MAPK10: variants seen among roughly 807,000 people sequenced by gnomAD.
The protein encoded by MAPK10 is JNK3 alpha protein kinase.
A neutral mutation model predicts 59.3 loss-of-function variants in MAPK10; 25 were observed. The observed-to-expected ratio is 0.42, with a 90% CI of 0.31 to 0.59. MAPK10 has a LOEUF of 0.59. MAPK10 is among the 20% of genes least tolerant of loss of function. The pLI is 0.15. For missense variants in MAPK10, 351 were observed against 568.9 expected, an observed-to-expected ratio of 0.62 and a Z score of 3.90; for synonymous variants, 190 against 200.5, an observed-to-expected ratio of 0.95 and a Z score of 0.44.
intron 4 of MAPK10, among the ~76,000 whole-genome samples, chr4:86,139,687 T>A (rs2063157642): frequency 6.6e-6 from 1 of 151,962 alleles, no homozygotes; most frequent in Admixed American, 6.5e-5. Context: ...ACAAATGGGA[T>A]CTAATTAAAC....
chr4:86,053,362 T>C (rs17011339), intron 11 of MAPK10, among the ~76,000 whole-genome samples: 1,780 of 152,262 alleles, frequency 0.012, 30 homozygotes, highest in African/African-American at 0.04. Flanking sequence ...TAAGAGGAGA[T>C]TCTTTGATGA....
chr4:86,115,906 G>A (rs1171678252), intron 4 of MAPK10, among the ~76,000 whole-genome samples: 1 of 152,196 alleles, frequency 6.6e-6, no homozygotes, highest in Non-Finnish European at 1.5e-5. Flanking sequence ...GTGCTTCTGT[G>A]CTTGTGTTTG....
intron 4 of MAPK10, among the ~76,000 whole-genome samples, chr4:86,144,286 G>C (rs2064319627): frequency 6.6e-6 from 1 of 151,956 alleles, no homozygotes; most frequent in African/African-American, 2.4e-5. Flanking sequence ...AATTTTACAA[G>C]ATTATTTGAA....
intron 2 of MAPK10, chr4:86,332,444 TA>T (rs911314060): frequency 6.6e-6 from 1 of 152,130 alleles, no homozygotes; most frequent in Non-Finnish European, 1.5e-5. Context: ...ACATTCAATG[TA>T]AAAGTGTTCT....
chr4:86,058,859 A>G (rs1319324012), intron 11 of MAPK10, among the ~76,000 whole-genome samples: 1 of 152,076 alleles, frequency 6.6e-6, no homozygotes, highest in Non-Finnish European at 1.5e-5. Flanking sequence ...AACCTGTTCT[A>G]CTTTGACCAC....
chr4:86,230,866 C>A (rs1432869736), intron 2 of MAPK10, among the ~76,000 whole-genome samples: 1 of 152,110 alleles, frequency 6.6e-6, no homozygotes, highest in Non-Finnish European at 1.5e-5. Flanking sequence ...CTTGCTCAGT[C>A]TGCTTTTTGT....
chr4:86,487,360 A>AGTGTGTGTGTGTGT (rs1344194192), intron 1 of MAPK10, among the ~76,000 whole-genome samples: 1 of 33,058 alleles, frequency 3.0e-5, no homozygotes, highest in Admixed American at 4.8e-4. Context: ...AGAGAGAGAG[A>AGTGTGTGTGTGTGT]GAGTGTGTGT....
At chr4:86,094,965 T>TA (rs2053956783) in intron 9 of MAPK10, among the ~76,000 whole-genome samples, 1 of 151,878 alleles carries the variant, frequency 6.6e-6, no homozygotes, top group Admixed American at 6.6e-5. Context: ...CTACATTATG[T>TA]AAAAATATAT....
At chr4:86,101,774 T>C in intron 7 of MAPK10, 120 bp downstream of exon 7, 1 of 951,530 alleles carries the variant, frequency 1.1e-6, no homozygotes, top group Non-Finnish European at 1.6e-6. Context: ...CTAATTCTAG[T>C]ATCAAAGAAA....
intron 1 of MAPK10, chr4:86,370,941 G>C (rs1036310880): frequency 6.6e-6 from 1 of 152,168 alleles, no homozygotes; most frequent in Non-Finnish European, 1.5e-5. Context: ...CATAAGAATA[G>C]ACTTAAAAGT....
chr4:86,086,886 C>A (rs1259026905), intron 9 of MAPK10, among the ~76,000 whole-genome samples: 1 of 152,004 alleles, frequency 6.6e-6, no homozygotes, highest in East Asian at 1.9e-4. Context: ...AAACTTTAAC[C>A]AACATGTTTG....
intron 13 of MAPK10, chr4:86,027,782 A>G (rs1751103599): frequency 6.6e-6 from 1 of 152,282 alleles, no homozygotes; most frequent in South Asian, 2.1e-4. Flanking sequence ...TGAAATTACA[A>G]TCAATACGGG....
At chr4:86,183,686 C>T (rs2149289608) in intron 3 of MAPK10, among the ~76,000 whole-genome samples, 1 of 152,276 alleles carries the variant, frequency 6.6e-6, no homozygotes, top group Admixed American at 6.5e-5. Flanking sequence ...AATGGTATTT[C>T]TAGTTCTAGA....
chr4:86,179,040 A>G (rs2149277516), intron 3 of MAPK10, among the ~76,000 whole-genome samples: 1 of 152,138 alleles, frequency 6.6e-6, no homozygotes, highest in East Asian at 1.9e-4. Flanking sequence ...GTCTCTACTA[A>G]AAATACAAAG....
intron 4 of MAPK10, among the ~76,000 whole-genome samples, chr4:86,135,235 G>A (rs2061755652): frequency 1.3e-5 from 2 of 152,196 alleles, no homozygotes; most frequent in South Asian, 4.1e-4. Context: ...TGGGGGCAGG[G>A]CACAGACAAA....
At chr4:86,438,966 G>C (rs1447930911) in intron 1 of MAPK10, among the ~76,000 whole-genome samples, 1 of 152,198 alleles carries the variant, frequency 6.6e-6, no homozygotes, top group African/African-American at 2.4e-5. Flanking sequence ...CAAGCCAGCA[G>C]CTGGGCCCTT....
intron 2 of MAPK10, among the ~76,000 whole-genome samples, chr4:86,224,681 A>G (rs1311760275): frequency 6.6e-6 from 1 of 152,222 alleles, no homozygotes; most frequent in East Asian, 1.9e-4. Flanking sequence ...TTTAATTCAC[A>G]AGCATATGTA....
At chr4:86,055,553 G>A (rs1303039520) in intron 11 of MAPK10, among the ~76,000 whole-genome samples, 1 of 149,452 alleles carries the variant, frequency 6.7e-6, no homozygotes, top group Non-Finnish European at 1.5e-5. Context: ...GTAAAAATGG[G>A]GAAACTTACT....
intron 1 of MAPK10, among the ~76,000 whole-genome samples, chr4:86,579,270 T>G (rs762460100): frequency 6.6e-6 from 1 of 152,200 alleles, no homozygotes; most frequent in Non-Finnish European, 1.5e-5. Flanking sequence ...TACCCACATC[T>G]CCATTTTCCT....
Sources: allele counts gnomAD v4.1 joint callset (sites outside exome capture counted in the v4.1 genomes callset), GRCh38; gene constraint gnomAD v4.1.1; transcripts MANE v1.5; gene names NCBI Gene and HGNC (gene_info 2026-07-23, HGNC 2026-07-21).